The following POLA1 variants were observed in gnomAD, a reference collection of about 807,000 sequenced individuals.
POLA1 encodes DNA polymerase alpha 1, catalytic subunit, also known as DNA polymerase alpha catalytic subunit.
POLA1 carries 15 observed loss-of-function variants against 124.0 expected under a neutral mutation model. That is an observed-to-expected ratio of 0.12 (90% CI 0.08 to 0.19). POLA1 has a LOEUF of 0.19. Among genes scored for constraint, POLA1 ranks in the 10% least tolerant of loss-of-function variants. The pLI is 1.00. For synonymous variants in POLA1, 408 were observed against 389.4 expected (o/e 1.05, Z -0.56); for missense variants, 886 against 1,103.4 (o/e 0.80, Z 2.79).
At chrX:24,960,065 T>G (rs1200735891) in intron 36 of POLA1, among the ~76,000 whole-genome samples, 1 of 111,178 alleles carries the variant, frequency 9.0e-6, no homozygotes, top group Non-Finnish European at 1.9e-5. Flanking sequence ...GGCATTCAGT[T>G]TCAAAAACTT....
intron 36 of POLA1, among the ~76,000 whole-genome samples, chrX:24,952,228 C>T (rs910468313): frequency 3.6e-5 from 4 of 111,989 alleles, no homozygotes; most frequent in African/African-American, 1.3e-4. Flanking sequence ...CTTATTTTTC[C>T]TCAATTAGTA....
intron 34 of POLA1, among the ~76,000 whole-genome samples, chrX:24,844,258 G>A (rs1455220707): frequency 8.9e-6 from 1 of 111,922 alleles, no homozygotes; most frequent in Non-Finnish European, 1.9e-5. Flanking sequence ...AGAACAGTGA[G>A]TGATTTGTCT....
At chrX:24,920,566 G>T (rs2047602407) in intron 35 of POLA1, among the ~76,000 whole-genome samples, 1 of 111,956 alleles carries the variant, frequency 8.9e-6, no homozygotes, top group Admixed American at 9.4e-5. Flanking sequence ...TCAATAAAAA[G>T]TGGCATAATA....
chrX:24,993,663 C>T (rs2048562120), intron 36 of POLA1, among the ~76,000 whole-genome samples: 1 of 111,824 alleles, frequency 8.9e-6, no homozygotes, highest in Admixed American at 9.4e-5. Context: ...GGGGTGACTC[C>T]TTCCCCCCAC....
intron 36 of POLA1, among the ~76,000 whole-genome samples, chrX:24,978,024 A>G (rs1228941541): frequency 8.9e-6 from 1 of 111,961 alleles, no homozygotes; most frequent in Non-Finnish European, 1.9e-5. Context: ...TCTGCTCGCT[A>G]GCTTTTGCTG....
intron 26 of POLA1, among the ~76,000 whole-genome samples, chrX:24,761,430 C>G (rs7061240): frequency 0.04 from 4,414 of 110,959 alleles, 220 homozygotes; most frequent in African/African-American, 0.14. Flanking sequence ...ACGACATTTT[C>G]AGCCCTGTGC....
chrX:24,812,926 G>A (rs921990545), intron 29 of POLA1, 63 bp downstream of exon 29: 2 of 620,629 alleles, frequency 3.2e-6, no homozygotes, highest in African/African-American at 2.2e-5. Flanking sequence ...TGTGAATGAT[G>A]TAGAGAATGC....
intron 36 of POLA1, among the ~76,000 whole-genome samples, chrX:24,975,796 A>G (rs993340373): frequency 8.9e-5 from 10 of 112,644 alleles, no homozygotes; most frequent in African/African-American, 3.2e-4. Flanking sequence ...CACATGTTTA[A>G]TTTCACTACT....
At chrX:24,755,658 T>C (rs1932563525) in intron 26 of POLA1, among the ~76,000 whole-genome samples, 2 of 111,943 alleles carry the variant, frequency 1.8e-5, no homozygotes, top group African/African-American at 6.5e-5. Flanking sequence ...TCTTTCATTA[T>C]GCAGAAGTTT....
intron 32 of POLA1, among the ~76,000 whole-genome samples, chrX:24,835,658 A>T (rs921697610): frequency 9.1e-6 from 1 of 110,221 alleles, no homozygotes; most frequent in Non-Finnish European, 1.9e-5. Context: ...TACTGATCAC[A>T]TCCTGGTGGT....
intron 26 of POLA1, among the ~76,000 whole-genome samples, chrX:24,795,879 T>C (rs1602403200): frequency 9.0e-6 from 1 of 110,864 alleles, no homozygotes; most frequent in Non-Finnish European, 1.9e-5. Context: ...TGGCTTGCTC[T>C]GAGGTTAAAG....
At position 24,740,916 on chromosome X, in the gene POLA1, T is replaced by C. The variant is rs11573362; in HGVS notation, c.2217-459T>C. 5.1e-3 allele frequency among the ~76,000 whole-genome samples: 572 copies of C among 111,693 alleles called. 10 individuals are homozygous for C. Among genetic ancestry groups the C allele is most frequent in the African/African-American group, 0.018 (555 of 30,740 alleles). On this transcript the variant is annotated intron_variant, in intron 20 of 36. Transcript: ENST00000379068. ...ATAACATACTATATACTTAATTTCTTTGTTTTTTTTTATACTCTGTCTCCC... is the reference window on the plus strand; with the variant it reads ...ATAACATACTATATACTTAATTTCTCTGTTTTTTTTTATACTCTGTCTCCC...
At chrX:24,706,877 T>G (rs1928846201) in intron 4 of POLA1, among the ~76,000 whole-genome samples, 1 of 112,637 alleles carries the variant, frequency 8.9e-6, no homozygotes, top group South Asian at 3.6e-4. Context: ...ATTTTACTTC[T>G]GAATATTGTA....
chrX:24,936,134 T>A (rs1480981206), intron 36 of POLA1, among the ~76,000 whole-genome samples: 1 of 112,587 alleles, frequency 8.9e-6, no homozygotes, highest in Non-Finnish European at 1.9e-5. Flanking sequence ...ATAGTTATAT[T>A]ACTTTGTGGA....
At chrX:24,899,392 A>G (rs977001525) in intron 35 of POLA1, among the ~76,000 whole-genome samples, 1 of 111,653 alleles carries the variant, frequency 9.0e-6, no homozygotes, top group Non-Finnish European at 1.9e-5. Context: ...ACTGAAATAT[A>G]TTTCATGGGT....
At chrX:24,884,335 G>T (rs772016488) in intron 34 of POLA1, among the ~76,000 whole-genome samples, 1 of 110,951 alleles carries the variant, frequency 9.0e-6, no homozygotes, top group South Asian at 3.9e-4. Context: ...TTTTGGTAGA[G>T]ACAGGGTTTT....
At chrX:24,716,485 AT>A (rs776709130) in intron 7 of POLA1, 31 bp downstream of exon 7, 1 of 761,492 alleles carries the variant, frequency 1.3e-6, no homozygotes, top group Non-Finnish European at 2.0e-6. Context: ...TTCAATCTTG[AT>A]TTATAGTATT....
intron 35 of POLA1, among the ~76,000 whole-genome samples, chrX:24,924,451 T>A (rs1408009313): frequency 9.0e-6 from 1 of 111,638 alleles, no homozygotes; most frequent in Non-Finnish European, 1.9e-5. Context: ...GATATACACA[T>A]AGGACACATT....
chrX:24,724,519 A>G, intron 12 of POLA1, 68 bp downstream of exon 12: 1 of 538,677 alleles, frequency 1.9e-6, no homozygotes. Flanking sequence ...GCAAATAGTT[A>G]TTGCATATTT....
Sources: allele counts gnomAD v4.1 joint callset (sites outside exome capture counted in the v4.1 genomes callset), GRCh38; gene constraint gnomAD v4.1.1; transcripts MANE v1.5; gene names NCBI Gene and HGNC (gene_info 2026-07-23, HGNC 2026-07-21).